Variants in NCKAP5 observed in about 807,000 individuals in gnomAD.
NCKAP5 encodes nck-associated protein 5.
A neutral mutation model predicts 167.0 loss-of-function variants in NCKAP5; 92 were observed. The observed-to-expected ratio is 0.55, with a 90% confidence interval of 0.47 to 0.66. NCKAP5 has a LOEUF of 0.66. NCKAP5 is among the 30% of genes least tolerant of loss of function. The pLI is 0.00. For missense variants in NCKAP5, 2,378 were observed against 2,315.0 expected (o/e 1.03, Z -0.56); for synonymous variants, 891 against 877.4 (o/e 1.02, Z -0.27).
intron 8 of NCKAP5, among the ~76,000 whole-genome samples, chr2:132,897,427 A>G (rs181357592): frequency 2.6e-5 from 4 of 152,372 alleles, no homozygotes; most frequent in African/African-American, 9.6e-5. Flanking sequence ...TCTCTATATA[A>G]TGCTAGAGTG....
rs750504067 is a variant in NCKAP5, at chr2:133,118,411, C to T, written c.341+11567G>A. The T allele has an allele frequency of 3.3e-5, 5 of 151,508 alleles. No homozygotes were observed. In the South Asian group the frequency reaches 1.0e-3, roughly 32 times the overall value. The allele number at this position is 151,508 out of a possible 1,614,324, so 9.4% of individuals were successfully genotyped here. A position where few individuals can be genotyped will look rare whatever the true frequency, so the allele number is the denominator to read the frequency against. ...AATATAAATTAGATTTTTTTTAAATCTCAATATGATGGACCAGGTTGGCCA... is the reference window on the plus strand; with the variant it reads ...AATATAAATTAGATTTTTTTTAAATTTCAATATGATGGACCAGGTTGGCCA... On this transcript the variant is annotated intron_variant, in intron 6 of 19. Coordinates refer to ENST00000409261, the MANE Select transcript of NCKAP5 (RefSeq NM_207363.3).
the NCKAP5 span, among the ~76,000 whole-genome samples, chr2:133,633,232 C>T: frequency 6.6e-6 from 1 of 152,200 alleles, no homozygotes; most frequent in Non-Finnish European, 1.5e-5. Context: ...GTATCCAGCT[C>T]ATAGCACAGA....
At chr2:133,006,726 G>T (rs772802874) in intron 6 of NCKAP5, among the ~76,000 whole-genome samples, 3 of 152,046 alleles carry the variant, frequency 2.0e-5, no homozygotes. Flanking sequence ...GTAAGTAGCC[G>T]GTGTTAATCT....
intron 3 of NCKAP5, among the ~76,000 whole-genome samples, chr2:133,447,365 G>A (rs1036882100): frequency 1.3e-5 from 2 of 151,916 alleles, no homozygotes; most frequent in African/African-American, 2.4e-5. Flanking sequence ...GAATTGAATC[G>A]GCTCAATAAC....
intron 8 of NCKAP5, among the ~76,000 whole-genome samples, chr2:132,889,951 C>T (rs1692559359): frequency 6.6e-6 from 1 of 151,664 alleles, no homozygotes; most frequent in Non-Finnish European, 1.5e-5. Context: ...CCTCTGAAGG[C>T]AAAAAGAGAG....
At chr2:133,621,454 C>A in the NCKAP5 span, among the ~76,000 whole-genome samples, 2 of 151,952 alleles carry the variant, frequency 1.3e-5, no homozygotes, top group African/African-American at 2.4e-5. Context: ...ACAACTGATA[C>A]CACAGGAATA....
intron 5 of NCKAP5, among the ~76,000 whole-genome samples, chr2:133,179,047 A>T (rs2150026596): frequency 6.6e-6 from 1 of 152,218 alleles, no homozygotes; most frequent in African/African-American, 2.4e-5. Context: ...GTCAGCATGT[A>T]GACCTAGCTA....
chr2:133,039,570 G>T (rs1301971047), intron 6 of NCKAP5, among the ~76,000 whole-genome samples: 1 of 152,110 alleles, frequency 6.6e-6, no homozygotes. Flanking sequence ...GGCAAGGTTT[G>T]GCCTAACCTA....
At chr2:132,946,666 G>C (rs762964425) in intron 8 of NCKAP5, among the ~76,000 whole-genome samples, 9 of 152,286 alleles carry the variant, frequency 5.9e-5, no homozygotes, top group Admixed American at 3.3e-4. Flanking sequence ...GGAAGCCGAG[G>C]GGGGTGGATC....
In NCKAP5 at chr2:132,904,011, C is replaced by T. The variant is rs566771308; in HGVS notation, c.580-25095G>A. Among the ~76,000 whole-genome samples, 91 of 152,120 alleles carry T rather than the reference C, an allele frequency of 6.0e-4. 2 individuals carry two copies. The South Asian group carries it at 0.015, about 25-fold the overall frequency. On this transcript the variant is annotated intron_variant, in intron 8 of 19. Coordinates refer to ENST00000409261, the MANE Select transcript of NCKAP5 (RefSeq NM_207363.3). ...CCATTAAAAATATTTGATAATGGCCCGGCGCGGTGGCTCACGCCTGTAATC... is the reference window on the plus strand; with the variant it reads ...CCATTAAAAATATTTGATAATGGCCTGGCGCGGTGGCTCACGCCTGTAATC...
intron 7 of NCKAP5, among the ~76,000 whole-genome samples, chr2:132,972,356 T>C (rs2076859789): frequency 6.6e-6 from 1 of 152,170 alleles, no homozygotes; most frequent in South Asian, 2.1e-4. Context: ...GCAAAGGGCA[T>C]TGAGGCTCCA....
intron 6 of NCKAP5, among the ~76,000 whole-genome samples, chr2:133,094,827 A>G (rs749356686): frequency 2.6e-5 from 4 of 152,200 alleles, no homozygotes; most frequent in Non-Finnish European, 5.9e-5. Flanking sequence ...GATTCAAAGC[A>G]TAAGAATTTG....
intron 8 of NCKAP5, among the ~76,000 whole-genome samples, chr2:132,937,802 G>A (rs1696970480): frequency 6.6e-6 from 1 of 152,220 alleles, no homozygotes; most frequent in Non-Finnish European, 1.5e-5. Context: ...AAAGATTTGT[G>A]GCTGGCATCC....
intron 4 of NCKAP5, chr2:133,267,162 G>T (rs565233712): frequency 5.2e-4 from 80 of 152,402 alleles, no homozygotes; most frequent in Admixed American, 1.5e-3. Flanking sequence ...AGGGGGCCTG[G>T]AGCCTTCTAT....
At chr2:132,865,510 C>T (rs946952481) in intron 10 of NCKAP5, among the ~76,000 whole-genome samples, 1 of 152,288 alleles carries the variant, frequency 6.6e-6, no homozygotes, top group East Asian at 1.9e-4. Context: ...TACTCCACAG[C>T]TATCAAACTC....
At chr2:133,065,547 C>A (rs564770517) in intron 6 of NCKAP5, among the ~76,000 whole-genome samples, 2 of 152,300 alleles carry the variant, frequency 1.3e-5, no homozygotes, top group South Asian at 4.2e-4. Context: ...ATTGCCTGAA[C>A]CCGGGAGGCA....
chr2:132,737,741 A>C (rs991586818), intron 16 of NCKAP5, among the ~76,000 whole-genome samples: 1 of 152,224 alleles, frequency 6.6e-6, no homozygotes, highest in Admixed American at 6.5e-5. Context: ...TAAGCCTGGC[A>C]CAATGCTTGC....
chr2:132,935,024 TGG>T (rs1260439929), intron 8 of NCKAP5, among the ~76,000 whole-genome samples: 2 of 152,200 alleles, frequency 1.3e-5, no homozygotes, highest in African/African-American at 4.8e-5. Context: ...AATCAGTACA[TGG>T]CTTTTTTCCC....
chr2:133,157,969 G>C (rs577438278), intron 5 of NCKAP5, among the ~76,000 whole-genome samples: 1 of 152,300 alleles, frequency 6.6e-6, no homozygotes, highest in Admixed American at 6.5e-5. Context: ...GAAACACTGA[G>C]AGTAGTAGTA....
Sources: gnomAD v4.1 joint callset for allele counts (sites outside exome capture counted in the v4.1 genomes callset) on GRCh38, gnomAD v4.1.1 for gene constraint, MANE v1.5 for transcripts, NCBI Gene and HGNC (gene_info 2026-07-23, HGNC 2026-07-21) for gene names.